PTCHD4: variants seen among roughly 807,000 people sequenced by gnomAD.
PTCHD4 encodes patched domain-containing protein 4.
A neutral mutation model predicts 58.1 loss-of-function variants in PTCHD4; 33 were observed. The ratio of observed to expected loss-of-function variants is 0.57; its 90% CI spans 0.43 to 0.76. The LOEUF (loss-of-function observed/expected upper bound fraction) is 0.76, where lower values mean the gene tolerates loss of function less well. Ranked by LOEUF, PTCHD4 falls within the 30% of genes least tolerant of loss-of-function variation. The pLI, the probability that PTCHD4 is intolerant of heterozygous loss-of-function variation, is 0.00. For synonymous variants in PTCHD4, 478 were observed against 409.6 expected (o/e 1.17, Z -2.02); for missense variants, 1,058 against 1,027.1 (o/e 1.03, Z -0.41).
At chr6:47,956,712 C>T (rs1766876109) in intron 4 of PTCHD4, among the ~76,000 whole-genome samples, 2 of 152,100 alleles carry the variant, frequency 1.3e-5, no homozygotes, top group Admixed American at 6.5e-5. Context: ...AGATTACAGG[C>T]GTGAGCCACT....
intron 3 of PTCHD4, among the ~76,000 whole-genome samples, chr6:48,066,391 G>A (rs1008826869): frequency 2.0e-5 from 3 of 152,072 alleles, no homozygotes; most frequent in Non-Finnish European, 4.4e-5. Context: ...AAGCACTAGA[G>A]GACCCAACCA....
At chr6:48,095,602 A>G (rs1338257521) in intron 1 of PTCHD4, among the ~76,000 whole-genome samples, 3 of 152,098 alleles carry the variant, frequency 2.0e-5, no homozygotes, top group African/African-American at 7.2e-5. Context: ...AGGCAGGAGA[A>G]TGGCTGAACC....
intron 4 of PTCHD4, among the ~76,000 whole-genome samples, chr6:47,953,389 G>T (rs1766729637): frequency 6.6e-6 from 1 of 152,234 alleles, no homozygotes; most frequent in Non-Finnish European, 1.5e-5. Flanking sequence ...GTTTAGATGA[G>T]ATTTTAATCA....
rs1237120398 is a variant in PTCHD4, at chr6:47,860,872, T to C, written c.*17431A>G. On this transcript the variant is annotated 3_prime_UTR_variant, in exon 5 of 5. Transcript: ENST00000339488. ...AAATTATTTATCCTGAGATAAACTC[T>C]TTATGATTTTTAGACTTGAAATAAT... is the stretch of plus-strand genomic sequence containing the variant. Among the ~76,000 whole-genome samples the C allele has an allele frequency of 6.6e-6, 1 of 152,048 alleles. No homozygotes were observed. Among genetic ancestry groups the C allele is most frequent in the Non-Finnish European group, 1.5e-5 (1 of 67,962 alleles).
chr6:47,871,142 G>T lies in PTCHD4; in HGVS notation c.*7161C>A, dbSNP rs1295417796. 6.6e-6 allele frequency among the ~76,000 whole-genome samples: 1 copy of T among 151,536 alleles called. No individual in the cohort carries two copies. The highest frequency in any genetic ancestry group is 1.5e-5 in the Non-Finnish European group (1 of 67,684). Reference sequence around the variant, plus strand: ...ACTTTTACTCTCATTTCTACAATTTGTCTATGCATGGGTGAAGACTGTTTC... The same window carrying T: ...ACTTTTACTCTCATTTCTACAATTTTTCTATGCATGGGTGAAGACTGTTTC... On this transcript the variant is annotated 3_prime_UTR_variant, in exon 5 of 5. Coordinates refer to ENST00000339488, the MANE Select transcript of PTCHD4 (RefSeq NM_001384253.1).
intron 4 of PTCHD4, among the ~76,000 whole-genome samples, chr6:47,927,471 A>G (rs1214160549): frequency 6.6e-6 from 1 of 152,194 alleles, no homozygotes; most frequent in Non-Finnish European, 1.5e-5. Context: ...AAACAATATT[A>G]TTTTGGCACA....
intron 4 of PTCHD4, among the ~76,000 whole-genome samples, chr6:47,929,405 A>G (rs1461434382): frequency 1.3e-5 from 2 of 152,200 alleles, no homozygotes; most frequent in African/African-American, 2.4e-5. Context: ...ATAAATCATA[A>G]TAGAGAAGGG....
At chr6:48,033,946 A>G (rs1160142574) in intron 3 of PTCHD4, among the ~76,000 whole-genome samples, 5 of 152,116 alleles carry the variant, frequency 3.3e-5, no homozygotes, top group South Asian at 2.1e-4. Flanking sequence ...TCAGGAGGGA[A>G]TTAATGAATA....
intron 4 of PTCHD4, among the ~76,000 whole-genome samples, chr6:47,906,330 TAG>T (rs746750046): frequency 7.9e-5 from 12 of 152,326 alleles, no homozygotes; most frequent in African/African-American, 1.7e-4. Context: ...TTCCTGCTGC[TAG>T]AGAGAGAGTC....
rs185558950 is a variant in PTCHD4, at chr6:47,915,981, C to T, written c.899-36045G>A. Among the ~76,000 whole-genome samples the T allele has an allele frequency of 1.6e-4, 25 of 152,176 alleles. No homozygotes were observed. The East Asian group carries it at 4.6e-3, about 28-fold the overall frequency. On this transcript the variant is annotated intron_variant, in intron 4 of 4. Coordinates refer to ENST00000339488, the MANE Select transcript of PTCHD4 (RefSeq NM_001384253.1). ...GAGCTGCAGAATCTGAATCCTGTTT[C>T]AGTGTTATCATCCAGTGCATGGTGA... is the stretch of plus-strand genomic sequence containing the variant.
chr6:47,944,083 A>C (rs1391199929), intron 4 of PTCHD4, among the ~76,000 whole-genome samples: 2 of 152,054 alleles, frequency 1.3e-5, no homozygotes, highest in African/African-American at 4.8e-5. Flanking sequence ...GCAGAAGTAG[A>C]TGATTTTGAA....
intron 4 of PTCHD4, among the ~76,000 whole-genome samples, chr6:47,885,576 A>G (rs1305472417): frequency 6.6e-6 from 1 of 152,228 alleles, no homozygotes; most frequent in Non-Finnish European, 1.5e-5. Flanking sequence ...ACCAGTCCTC[A>G]GTGAGGTGGG....
At position 47,866,474 on chromosome 6, in the gene PTCHD4, A is replaced by C. The variant is rs1206403928; in HGVS notation, c.*11829T>G. Among the ~76,000 whole-genome samples, 1 of 151,672 alleles carries C rather than the reference A, an allele frequency of 6.6e-6. No homozygotes were observed. The highest frequency in any genetic ancestry group is 1.5e-5 in the Non-Finnish European group (1 of 67,828). On this transcript the variant is annotated 3_prime_UTR_variant, in exon 5 of 5. Coordinates refer to ENST00000339488, the MANE Select transcript of PTCHD4 (RefSeq NM_001384253.1). ...TAGGGTTATCCAAAATGTCTCTTAG[A>C]GTGTGTTTGTTGACCATGGTCTCGT...
chr6:48,108,463 G>A (rs1765792651), intron 1 of PTCHD4, among the ~76,000 whole-genome samples: 1 of 151,986 alleles, frequency 6.6e-6, no homozygotes, highest in Admixed American at 6.6e-5. Flanking sequence ...GGGGTGGGGG[G>A]AGCGGGGAGG....
At chr6:48,080,103 C>A (rs1263088241) in intron 1 of PTCHD4, among the ~76,000 whole-genome samples, 2 of 146,276 alleles carry the variant, frequency 1.4e-5, no homozygotes, top group African/African-American at 5.0e-5. Context: ...AGATTTCTTG[C>A]TGGAAAAAAC....
rs1056695737 is a variant in PTCHD4, at chr6:47,877,447, T to G, written c.*856A>C. ...CCATATCAACTGTTTATTTCTAATA[T>G]GAAACAGTAAACCTTGTCCATGTGG... On this transcript the variant is annotated 3_prime_UTR_variant, in exon 5 of 5. Transcript: ENST00000339488. 1.3e-5 allele frequency among the ~76,000 whole-genome samples: 2 copies of G among 152,228 alleles called. No individual in the cohort carries two copies. Among genetic ancestry groups the G allele is most frequent in the Middle Eastern group, 3.4e-3 (1 of 294 alleles).
Position 47,873,935 on chromosome 6 carries a change from CA to C in PTCHD4, c.*4367del, listed in dbSNP as rs1187430739. On this transcript the variant is annotated 3_prime_UTR_variant, in exon 5 of 5. Coordinates refer to ENST00000339488, the MANE Select transcript of PTCHD4 (RefSeq NM_001384253.1). ...GTAACAGTTTTCAGATTCACTTTTG[CA>C]AAGATTGCCAATATCCTTCGCAGAC... is the stretch of plus-strand genomic sequence containing the variant. Among the ~76,000 whole-genome samples the C allele has an allele frequency of 1.3e-5, 2 of 151,604 alleles. No individual in the cohort carries two copies. The highest frequency in any genetic ancestry group is 2.4e-5 in the African/African-American group (1 of 41,308).
At chr6:48,078,023 A>T (rs1765092486) in intron 1 of PTCHD4, among the ~76,000 whole-genome samples, 1 of 152,200 alleles carries the variant, frequency 6.6e-6, no homozygotes, top group Non-Finnish European at 1.5e-5. Flanking sequence ...GGTTCCTACA[A>T]ATTGAAGGTT....
chr6:48,078,245 G>A (rs565054062), intron 1 of PTCHD4, among the ~76,000 whole-genome samples: 1 of 152,310 alleles, frequency 6.6e-6, no homozygotes, highest in East Asian at 1.9e-4. Context: ...TCAAGTCTCA[G>A]TCTGTCTTCC....
Sources: allele counts gnomAD v4.1 joint callset (sites outside exome capture counted in the v4.1 genomes callset), GRCh38; gene constraint gnomAD v4.1.1; transcripts MANE v1.5; gene names NCBI Gene and HGNC (gene_info 2026-07-23, HGNC 2026-07-21).